Variants in MYLK4 observed in about 807,000 individuals in gnomAD.
MYLK4 encodes caMLCK like.
Under a neutral mutation model 48.1 loss-of-function variants are expected in MYLK4, and 46 were observed. That is an observed-to-expected ratio of 0.96 (90% CI 0.75 to 1.22). MYLK4 has a LOEUF of 1.22. Ranked by LOEUF, MYLK4 falls within the 50% of genes most tolerant of loss-of-function variation. The pLI is 0.00. For missense variants in MYLK4, 451 were observed against 486.1 expected (o/e 0.93, Z 0.68); for synonymous variants, 170 against 180.8 (o/e 0.94, Z 0.48).
chr6:2,765,723 C>G, the MYLK4 span: 4 of 1,534,876 alleles, frequency 2.6e-6, no homozygotes, highest in African/African-American at 4.3e-5. Context: ...CACATCAACT[C>G]GCACCTGGAC....
intron 2 of MYLK4, among the ~76,000 whole-genome samples, chr6:2,699,457 A>ATTTT (rs11398275): frequency 7.2e-6 from 1 of 138,138 alleles, no homozygotes; most frequent in Non-Finnish European, 1.5e-5. Context: ...CACCTGGCTA[A>ATTTT]TTTTTTTTTT....
At chr6:2,727,035 T>C (rs1022241651) in intron 2 of MYLK4, among the ~76,000 whole-genome samples, 4 of 152,192 alleles carry the variant, frequency 2.6e-5, no homozygotes, top group Admixed American at 6.5e-5. Context: ...TACTTTGACA[T>C]TGTGAACGTG....
At chr6:2,731,914 T>C (rs1380855676) in intron 2 of MYLK4, among the ~76,000 whole-genome samples, 3 of 152,206 alleles carry the variant, frequency 2.0e-5, no homozygotes, top group Admixed American at 6.5e-5. Context: ...CATGGCATCA[T>C]TCTTTGAGTA....
intron 2 of MYLK4, among the ~76,000 whole-genome samples, chr6:2,694,578 C>CTGGTGG (rs74207680): frequency 6.5e-5 from 3 of 46,168 alleles, no homozygotes; most frequent in Non-Finnish European, 4.5e-5. Flanking sequence ...GGTAGTGCTG[C>CTGGTGG]TGGTGGTGGT....
rs1283256079 is a variant in MYLK4 at position 2,680,467 on chromosome 6, C to T, written c.688-176G>A. ...TTTAATTATGTGGTGGATGAGGTTG[C>T]GGGTATCCTGCCAACCCTGCATTAT... On this transcript the variant is annotated intron_variant, in intron 7 of 12. Coordinates refer to ENST00000274643, the MANE Select transcript of MYLK4 (RefSeq NM_001012418.5). 2.4e-5 allele frequency: 24 copies of T among 985,376 alleles called. No individual in the cohort carries two copies. The East Asian group carries it at 9.1e-4, about 37-fold the overall frequency. 61.0% of individuals were successfully genotyped at this position (985,376 alleles called of 1,614,324 possible). A position where few individuals can be genotyped will look rare whatever the true frequency, so the allele number is the denominator to read the frequency against.
chr6:2,746,152 G>A (rs780300303), intron 2 of MYLK4, among the ~76,000 whole-genome samples: 10 of 150,788 alleles, frequency 6.6e-5, no homozygotes, highest in East Asian at 2.0e-4. Flanking sequence ...CTGTAATCCC[G>A]GCTACTCAGG....
chr6:2,699,287 CTTT>C (rs56959282), intron 2 of MYLK4, among the ~76,000 whole-genome samples: 49 of 77,894 alleles, frequency 6.3e-4, no homozygotes, highest in African/African-American at 2.5e-3. Context: ...CTTTTCTTTT[CTTT>C]TTTTTTTTTT....
the MYLK4 span, among the ~76,000 whole-genome samples, chr6:2,758,149 C>G: frequency 1.3e-5 from 2 of 152,044 alleles, 1 homozygote; most frequent in South Asian, 4.2e-4. Context: ...TATCAGATCT[C>G]CTAAGAAATA....
chr6:2,759,245 G>A, the MYLK4 span, among the ~76,000 whole-genome samples: 3 of 152,198 alleles, frequency 2.0e-5, no homozygotes, highest in African/African-American at 4.8e-5. Context: ...GAGGACCACT[G>A]GTGCACAATA....
chr6:2,687,666 T>C (rs1166553560), intron 4 of MYLK4, among the ~76,000 whole-genome samples: 1 of 152,134 alleles, frequency 6.6e-6, no homozygotes, highest in Non-Finnish European at 1.5e-5. Flanking sequence ...CATGGGGCAT[T>C]CTATGAGATC....
rs1763227233 is a variant in MYLK4, at chr6:2,725,527, A to AAG, written c.159+23608_159+23609insCT. Reference sequence around the variant, plus strand: ...AGAGAGAGAGAGACAGAGAGAGAGAAAAAGAAACAAAGAAAGAAACAAAGA... The same window carrying AAG: ...AGAGAGAGAGAGACAGAGAGAGAGAAAGAAAGAAACAAAGAAAGAAACAAAGA... On this transcript the variant is annotated intron_variant, in intron 2 of 12. Coordinates refer to ENST00000274643, the MANE Select transcript of MYLK4 (RefSeq NM_001012418.5). 7.1e-4 allele frequency among the ~76,000 whole-genome samples: 96 copies of AAG among 135,192 alleles called. 1 individual carries two copies. The highest frequency in any genetic ancestry group is 2.8e-3 in the African/African-American group (93 of 33,546). The allele number at this position is 135,192 out of a possible 152,430, so 88.7% of individuals were successfully genotyped here.
At chr6:2,759,047 T>C in the MYLK4 span, among the ~76,000 whole-genome samples, 1 of 152,200 alleles carries the variant, frequency 6.6e-6, no homozygotes, top group South Asian at 2.1e-4. Flanking sequence ...GCTAATCTAT[T>C]GGGTGTGCAA....
intron 2 of MYLK4, among the ~76,000 whole-genome samples, chr6:2,736,341 G>A (rs962426869): frequency 3.3e-5 from 5 of 152,246 alleles, no homozygotes; most frequent in African/African-American, 1.2e-4. Flanking sequence ...TGCAACCTCC[G>A]CCTCCCAGGT....
intron 7 of MYLK4, 57 bp downstream of exon 7, chr6:2,682,964 C>T: frequency 1.9e-6 from 3 of 1,599,734 alleles, no homozygotes; most frequent in Admixed American, 1.7e-5. Flanking sequence ...GCAGACAGGG[C>T]CCACTGTGCA....
chr6:2,762,531 T>C, the MYLK4 span, among the ~76,000 whole-genome samples: 4 of 152,240 alleles, frequency 2.6e-5, no homozygotes, highest in Non-Finnish European at 5.9e-5. Context: ...TTAAAATCAG[T>C]GTACTGTATT....
chr6:2,769,608 A>G, the MYLK4 span, among the ~76,000 whole-genome samples: 12 of 152,184 alleles, frequency 7.9e-5, no homozygotes, highest in African/African-American at 2.9e-4. Flanking sequence ...AGTTCTGACG[A>G]GGCGTTAGCA....
chr6:2,739,527 C>A (rs778843418), intron 2 of MYLK4, among the ~76,000 whole-genome samples: 11 of 152,172 alleles, frequency 7.2e-5, no homozygotes, highest in Non-Finnish European at 1.3e-4. Context: ...TATGGAAACG[C>A]CATGACAACC....
the MYLK4 span, among the ~76,000 whole-genome samples, chr6:2,759,906 C>T: frequency 6.6e-6 from 1 of 152,118 alleles, no homozygotes; most frequent in Non-Finnish European, 1.5e-5. Flanking sequence ...CTGATCTTTC[C>T]AATAATTTGA....
chr6:2,690,154 C>G (rs1761721324), intron 3 of MYLK4, among the ~76,000 whole-genome samples: 1 of 152,226 alleles, frequency 6.6e-6, no homozygotes, highest in African/African-American at 2.4e-5. Context: ...CCAGTGGGGT[C>G]AGGCCGTCTT....
Sources: allele counts gnomAD v4.1 joint callset (sites outside exome capture counted in the v4.1 genomes callset), GRCh38; gene constraint gnomAD v4.1.1; transcripts MANE v1.5; gene names NCBI Gene and HGNC (gene_info 2026-07-23, HGNC 2026-07-21).